The following ANK2 variants were observed in gnomAD, a reference collection of about 807,000 sequenced individuals.
ANK2 encodes ankyrin 2, also known as ankyrin-2.
A neutral mutation model predicts 360.5 loss-of-function variants in ANK2; 83 were observed. The ratio of observed to expected loss-of-function variants is 0.23; its 90% CI spans 0.19 to 0.28. The LOEUF (loss-of-function observed/expected upper bound fraction) is 0.28. ANK2 is among the 10% of genes least tolerant of loss of function. The pLI is 1.00. For missense variants in ANK2, 4,201 were observed against 4,795.7 expected, an observed-to-expected ratio of 0.88 and a Z score of 3.66; for synonymous variants, 1,740 against 1,759.5, an observed-to-expected ratio of 0.99 and a Z score of 0.28.
chr4:113,313,498 G>A (rs1003088824), intron 24 of ANK2, among the ~76,000 whole-genome samples: 7 of 152,050 alleles, frequency 4.6e-5, no homozygotes, highest in African/African-American at 1.7e-4. Flanking sequence ...TGTTCTCCAG[G>A]TCTCCACTTG....
chr4:112,833,904 C>T (rs1474634322), intron 1 of ANK2, among the ~76,000 whole-genome samples: 1 of 152,220 alleles, frequency 6.6e-6, no homozygotes, highest in Non-Finnish European at 1.5e-5. Context: ...CAGTTCTCCT[C>T]CTCAGAGACA....
the ANK2 span, among the ~76,000 whole-genome samples, chr4:112,718,903 C>T: frequency 6.6e-6 from 1 of 152,320 alleles, no homozygotes; most frequent in African/African-American, 2.4e-5. Context: ...TCCCAAAGTA[C>T]TGGGATTACA....
At chr4:113,335,789 T>C in intron 29 of ANK2, 57 bp from the exon 30 acceptor site, 1 of 1,534,696 alleles carries the variant, frequency 6.5e-7, no homozygotes, top group Non-Finnish European at 9.0e-7. Flanking sequence ...TTGGCTAGAA[T>C]GCTGTTAGAA....
chr4:113,311,468 A>C lies in ANK2; in HGVS notation c.2693+69A>C, dbSNP rs2079922324. 3.8e-6 allele frequency: 6 copies of C among 1,571,796 alleles called. No homozygotes were observed. In the South Asian group the frequency reaches 6.7e-5, roughly 18 times the overall value. ...CAACATATTTTTTATGATGATGATA[A>C]AAATGTAGATGCAATTATTGAGCAT... is the stretch of plus-strand genomic sequence containing the variant. On this transcript the variant is annotated intron_variant, in intron 24 of 45. Transcript: ENST00000357077.
chr4:113,093,785 C>A lies in ANK2; in HGVS notation c.84+43973C>A, dbSNP rs74530792. Among the ~76,000 whole-genome samples the A allele has an allele frequency of 2.8e-4, 42 of 152,294 alleles. No homozygotes were observed. The South Asian group carries it at 6.8e-3, about 25-fold the overall frequency. On this transcript the variant is annotated intron_variant, in intron 1 of 45. Coordinates refer to ENST00000357077, the MANE Select transcript of ANK2 (RefSeq NM_001148.6). ...TGAATCATTGCAGGCACACAACAAA[C>A]CTTCACCAAATAAGACAGTAACTTT...
At chr4:113,141,496 A>G (rs758372765) in intron 1 of ANK2, 11 of 152,210 alleles carry the variant, frequency 7.2e-5, no homozygotes, top group Non-Finnish European at 1.5e-4. Flanking sequence ...CAACCATCGA[A>G]TCTAATTTTC....
At chr4:113,048,393 A>G (rs189156878), upstream of ANK2, among the ~76,000 whole-genome samples, 393 of 140,602 alleles carry the variant, frequency 2.8e-3, 2 homozygotes, top group Non-Finnish European at 4.8e-3. Flanking sequence ...CCCGAGTTCA[A>G]GCAATTCTCC....
rs371664490 is a variant in ANK2 at position 113,199,004 on chromosome 4, A to G, written c.286-7A>G. 62 of 1,609,394 alleles carry G rather than the reference A, an allele frequency of 3.9e-5. No homozygotes were observed. In the African/African-American group the frequency reaches 6.8e-4, roughly 18 times the overall value. ...TGAACATTTTCTATTTTGTTTCTCC[A>G]AAACAGAAGGGAAATACCGCTCTTC... On this transcript the variant is annotated splice_region_variant and splice_polypyrimidine_tract_variant and intron_variant, in intron 3 of 45. Transcript: ENST00000357077.
At chr4:113,263,957 A>T (rs997327558) in intron 13 of ANK2, among the ~76,000 whole-genome samples, 4 of 152,286 alleles carry the variant, frequency 2.6e-5, no homozygotes, top group African/African-American at 9.6e-5. Context: ...CTTGTTCTTC[A>T]TGCTACACCT....
the ANK2 span, among the ~76,000 whole-genome samples, chr4:112,752,840 A>G: frequency 6.6e-6 from 1 of 151,904 alleles, no homozygotes; most frequent in Non-Finnish European, 1.5e-5. Flanking sequence ...TAATTTTTGT[A>G]TTTTTTGTAG....
At chr4:113,266,068 A>G (rs1405594180) in intron 14 of ANK2, among the ~76,000 whole-genome samples, 5 of 152,150 alleles carry the variant, frequency 3.3e-5, no homozygotes, top group Admixed American at 6.5e-5. Flanking sequence ...TCAACCCGTC[A>G]TCTACATTAT....
chr4:113,094,022 G>A (rs1007639923), intron 1 of ANK2, among the ~76,000 whole-genome samples: 12 of 152,150 alleles, frequency 7.9e-5, no homozygotes, highest in African/African-American at 2.7e-4. Flanking sequence ...TGTGAAACTT[G>A]TATAAATGAA....
chr4:112,832,855 ATTG>A (rs572231648), intron 1 of ANK2, among the ~76,000 whole-genome samples: 54 of 152,348 alleles, frequency 3.5e-4, no homozygotes, highest in African/African-American at 1.2e-3. Flanking sequence ...TTAAATCTAA[ATTG>A]TTGTAAAGAG....
intron 1 of ANK2, among the ~76,000 whole-genome samples, chr4:112,862,827 C>T (rs953694567): frequency 7.3e-5 from 11 of 151,360 alleles, no homozygotes; most frequent in East Asian, 3.9e-4. Flanking sequence ...GAGGATGAGG[C>T]GAGATGGAGT....
At chr4:112,965,985 A>C (rs2037065003) in intron 2 of ANK2, among the ~76,000 whole-genome samples, 1 of 151,912 alleles carries the variant, frequency 6.6e-6, no homozygotes, top group Non-Finnish European at 1.5e-5. Context: ...AAGACATAAA[A>C]GTATTTTAAT....
chr4:112,798,766 C>T, the ANK2 span: 2 of 152,232 alleles, frequency 1.3e-5, no homozygotes, highest in African/African-American at 4.8e-5. Flanking sequence ...GGCCATCTAT[C>T]TTACTCAGGT....
At chr4:112,947,822 G>A (rs889166120) in intron 2 of ANK2, among the ~76,000 whole-genome samples, 1 of 152,210 alleles carries the variant, frequency 6.6e-6, no homozygotes, top group Non-Finnish European at 1.5e-5. Context: ...AGTGAACAAT[G>A]ATTACTATTA....
chr4:112,754,506 GTT>G, the ANK2 span, among the ~76,000 whole-genome samples: 1 of 78,262 alleles, frequency 1.3e-5, no homozygotes, highest in African/African-American at 5.7e-5. Context: ...ATTGTTATGA[GTT>G]TTTTTTTTTG....
At chr4:112,791,328 G>A in the ANK2 span, among the ~76,000 whole-genome samples, 15 of 152,190 alleles carry the variant, frequency 9.9e-5, no homozygotes, top group African/African-American at 2.9e-4. Flanking sequence ...GAAGGAGCAA[G>A]GTAAAGCTGT....
Sources: allele counts gnomAD v4.1 joint callset (sites outside exome capture counted in the v4.1 genomes callset), GRCh38; gene constraint gnomAD v4.1.1; transcripts MANE v1.5; gene names NCBI Gene and HGNC (gene_info 2026-07-23, HGNC 2026-07-21).